PPM1F: variants seen among roughly 807,000 people sequenced by gnomAD.
PPM1F encodes the protein protein phosphatase 1F.
Under a neutral mutation model 35.5 loss-of-function variants are expected in PPM1F, and 17 were observed. The observed-to-expected ratio is 0.48, with a 90% CI of 0.33 to 0.72. The LOEUF (loss-of-function observed/expected upper bound fraction) is 0.72, where lower values mean the gene tolerates loss of function less well. Ranked by LOEUF, PPM1F falls within the 30% of genes least tolerant of loss-of-function variation. PPM1F has a pLI of 0.02. For missense variants in PPM1F, 521 were observed against 613.0 expected (o/e 0.85, Z 1.59); for synonymous variants, 241 against 255.5 (o/e 0.94, Z 0.54).
intron 6 of PPM1F, among the ~76,000 whole-genome samples, chr22:21,929,398 A>G (rs887694481): frequency 1.4e-4 from 22 of 152,156 alleles, no homozygotes; most frequent in Admixed American, 1.4e-3. Flanking sequence ...CCTTACCCCA[A>G]ACCTCCAGGG....
At chr22:21,950,307 C>A (rs1357293289) in intron 1 of PPM1F, 1 of 152,038 alleles carries the variant, frequency 6.6e-6, no homozygotes, top group Non-Finnish European at 1.5e-5. Context: ...TGAGGCTTTG[C>A]TGAAATCTCC....
chr22:21,938,111 T>C, intron 3 of PPM1F: 3 of 1,298,132 alleles, frequency 2.3e-6, no homozygotes, highest in Non-Finnish European at 3.0e-6. Context: ...CAGGCGAGAC[T>C]TCCTTCTAGC....
chr22:21,923,509 G>A (rs753232507), intron 7 of PPM1F, 38 bp from the exon 8 acceptor site: 8 of 1,557,076 alleles, frequency 5.1e-6, no homozygotes, highest in African/African-American at 4.1e-5. Flanking sequence ...AGAGGACCAC[G>A]GTGTCCACAG....
chr22:21,943,589 C>T (rs77918634), intron 2 of PPM1F: 16,083 of 152,434 alleles, frequency 0.11, 913 homozygotes, highest in Non-Finnish European at 0.12. Flanking sequence ...AAACCCACTG[C>T]CCTCCCCTGC....
At chr22:21,929,789 G>C (rs1216715772) in intron 6 of PPM1F, among the ~76,000 whole-genome samples, 3 of 152,116 alleles carry the variant, frequency 2.0e-5, no homozygotes, top group Admixed American at 2.0e-4. Flanking sequence ...GGACGTACAG[G>C]GGGCCCATAC....
intron 1 of PPM1F, chr22:21,951,864 T>C (rs2070842601): frequency 6.6e-6 from 1 of 152,292 alleles, no homozygotes; most frequent in Non-Finnish European, 1.5e-5. Context: ...GGTCTCTGGA[T>C]GCCCAATGCC....
chr22:21,929,703 A>G (rs566947334), intron 6 of PPM1F, among the ~76,000 whole-genome samples: 5 of 152,192 alleles, frequency 3.3e-5, no homozygotes, highest in Non-Finnish European at 7.3e-5. Context: ...GGAGTGGCAG[A>G]GACTATCTGT....
chr22:21,939,389 T>C lies in PPM1F; in HGVS notation c.355+143A>G. The C allele has an allele frequency of 1.8e-6, 2 of 1,132,062 alleles. No individual in the cohort carries two copies. Among genetic ancestry groups the C allele is most frequent in the Admixed American group, 2.5e-5 (1 of 39,236 alleles). The allele number at this position is 1,132,062 out of a possible 1,614,324, so 70.1% of individuals were successfully genotyped here. ...TCCACCTCACTGGGGCCGCAAGCCT[T>C]CTCTGCTCCTTGATTCTGCTGCCGT... On this transcript the variant is annotated intron_variant, in intron 3 of 7. Transcript: ENST00000263212. This position sits in a 1 kb window ranked among gnomAD's most constrained non-coding sequence, Gnocchi z 5.1.
In PPM1F at chr22:21,934,661, G is replaced by A. The variant is rs575896763; in HGVS notation, c.356-435C>T. ...GCACTTTGGGAGGCCGAGGTGGGCG[G>A]ATCACCCGAGGTCAGGAGTTCGAGA... On this transcript the variant is annotated intron_variant, in intron 3 of 7. Transcript: ENST00000263212. The A allele has an allele frequency of 4.5e-4, 71 of 157,102 alleles. 1 individual carries two copies. In the East Asian group the frequency reaches 0.011, roughly 24 times the overall value. The allele number at this position is 157,102 out of a possible 1,614,324, so 9.7% of individuals were successfully genotyped here. A position where few individuals can be genotyped will look rare whatever the true frequency, so the allele number is the denominator to read the frequency against.
In PPM1F at chr22:21,939,786, G is replaced by A. The variant is rs1466002090; in HGVS notation, c.207-106C>T. The A allele has an allele frequency of 3.7e-6, 5 of 1,349,762 alleles. No individual in the cohort carries two copies. Among genetic ancestry groups the A allele is most frequent in the Non-Finnish European group, 5.1e-6 (5 of 989,768 alleles). 83.6% of individuals were successfully genotyped at this position (1,349,762 alleles called of 1,614,324 possible). On this transcript the variant is annotated intron_variant, in intron 2 of 7. Transcript: ENST00000263212. The surrounding 1 kb of genome is among the most constrained non-coding windows in gnomAD (Gnocchi z 5.1). ...CATGCTGAGGGGTCACGGCCAGCAG[G>A]GCGGCCCCTGTCCTCAGGGAGCTGG...
Position 21,923,005 on chromosome 22 carries a change from C to A in PPM1F, c.*87G>T. The A allele has an allele frequency of 6.7e-7, 1 of 1,500,612 alleles. No individual in the cohort carries two copies. Among genetic ancestry groups the A allele is most frequent in the Non-Finnish European group, 8.9e-7 (1 of 1,120,242 alleles). 93.0% of individuals were successfully genotyped at this position (1,500,612 alleles called of 1,614,324 possible). A position where few individuals can be genotyped will look rare whatever the true frequency, so the allele number is the denominator to read the frequency against. ...CACTGTGGGGCGGGCACCCTGTCCA[C>A]TGCCTGCCACCTGTTGGGTCCTGAG... is the stretch of plus-strand genomic sequence containing the variant. On this transcript the variant is annotated 3_prime_UTR_variant, in exon 8 of 8. Transcript: ENST00000263212.
In PPM1F at chr22:21,934,026, A is replaced by C; in HGVS notation, c.556T>G (p.Ser186Ala). ...LPSFNQLFGL[S>A]DPVNRAYFAV... is the part of the protein sequence containing the mutation. ...AGGGTCTGGACGGGAGCACTCACAG[A>C]CAAGCCGAAGAGCTGGTTGAAGGAA... The change falls in exon 4 of 8, where the codon TCT becomes GCT. Residue 186 changes from serine to alanine, a missense_variant and splice_region_variant. Coordinates refer to ENST00000263212, the MANE Select transcript of PPM1F (RefSeq NM_014634.4). The C allele has an allele frequency of 6.4e-7, 1 of 1,552,292 alleles. No homozygotes were observed. Among genetic ancestry groups the C allele is most frequent in the Middle Eastern group, 2.1e-4 (1 of 4,856 alleles).
rs972803379 is a variant in PPM1F at position 21,922,364 on chromosome 22, T to C, written c.*728A>G. ...GCACTGATAAAACAAAGAGAAAACC[T>C]GGAATACTGCTTCGGAATTAGACCT... On this transcript the variant is annotated 3_prime_UTR_variant, in exon 8 of 8. Transcript: ENST00000263212. 2 of 152,656 alleles carry C rather than the reference T, an allele frequency of 1.3e-5. No homozygotes were observed. The highest frequency in any genetic ancestry group is 2.1e-4 in the South Asian group (1 of 4,820). 9.5% of individuals were successfully genotyped at this position (152,656 alleles called of 1,614,324 possible).
At chr22:21,935,448 T>C (rs1467715520) in intron 3 of PPM1F, 2 of 152,236 alleles carry the variant, frequency 1.3e-5, no homozygotes, top group Non-Finnish European at 2.9e-5. Flanking sequence ...CTGGTGGTGA[T>C]ATTTTATTAT....
At chr22:21,949,932 T>A (rs898515932) in intron 1 of PPM1F, 1 of 152,298 alleles carries the variant, frequency 6.6e-6, no homozygotes, top group Non-Finnish European at 1.5e-5. Context: ...CTGACGGTGC[T>A]GCCAGCTGCC....
In PPM1F at chr22:21,923,469, C is replaced by G. The variant is rs1335371010; in HGVS notation, c.988G>C (p.Asp330His). 4 of 1,598,922 alleles carry G rather than the reference C, an allele frequency of 2.5e-6. No individual in the cohort carries two copies. The African/African-American group carries it at 5.4e-5, about 21-fold the overall frequency. ...GACACGTAGGGCTTCTGGAAGACAT[C>G]CCCTGGACAGGCGGAGAAGAGCCCG... is the stretch of plus-strand genomic sequence containing the variant. Reference protein sequence around the residue: ...GTLAVSRAIGDVFQKPYVSGE... With the variant: ...GTLAVSRAIGHVFQKPYVSGE... Residue 330 changes from aspartate (D) to histidine (H), a missense_variant and splice_region_variant, in exon 8 of 8, where the codon GAT (aspartate) becomes CAT (histidine). By Grantham distance (81) the Asp-to-His change is moderately conservative (BLOSUM62 -1). This residue lies in a region of PPM1F where 163 missense variants were observed against 169.6 expected (regional missense o/e 0.96). Transcript: ENST00000263212.
At chr22:21,923,967 C>T (rs1054551036) in intron 7 of PPM1F, among the ~76,000 whole-genome samples, 4 of 151,914 alleles carry the variant, frequency 2.6e-5, no homozygotes, top group African/African-American at 4.8e-5. Flanking sequence ...GGATTACAGG[C>T]ATGAGCCACC....
intron 7 of PPM1F, chr22:21,925,319 T>A (rs947990790): frequency 2.3e-6 from 1 of 435,904 alleles, no homozygotes; most frequent in African/African-American, 2.0e-5. Flanking sequence ...CACAGGTTTC[T>A]ATGAGATTTG....
At chr22:21,924,391 C>G (rs55982262) in intron 7 of PPM1F, among the ~76,000 whole-genome samples, 4 of 151,800 alleles carry the variant, frequency 2.6e-5, no homozygotes, top group African/African-American at 9.7e-5. Context: ...CCTCAGCATC[C>G]CAAGTAGCTG....
Sources: gnomAD v4.1 joint callset for allele counts (sites outside exome capture counted in the v4.1 genomes callset) on GRCh38, gnomAD v4.1.1 for gene constraint, gnomAD v4.1.1 regional missense constraint, Gnocchi (gnomAD v3.1) non-coding constraint, MANE v1.5 for transcripts, NCBI Gene and HGNC (gene_info 2026-07-23, HGNC 2026-07-21) for gene names.